PARD3: variants seen among roughly 807,000 people sequenced by gnomAD.
PARD3 encodes partitioning defective 3 homolog.
In PARD3, 75 loss-of-function variants were observed where a neutral mutation model predicts 155.4. The ratio of observed to expected loss-of-function variants is 0.48; its 90% confidence interval spans 0.40 to 0.58. PARD3 has a LOEUF of 0.58. Ranked by LOEUF, PARD3 falls within the 20% of genes least tolerant of loss-of-function variation. The probability of loss-of-function intolerance (pLI) is 0.00; values close to 1 mark genes in which losing one functional copy is unlikely to be tolerated. For missense variants in PARD3, 1,642 were observed against 1,721.7 expected (o/e 0.95, Z 0.82); for synonymous variants, 576 against 610.5 (o/e 0.94, Z 0.83).
intron 2 of PARD3, among the ~76,000 whole-genome samples, chr10:34,582,455 C>T (rs2087579179): frequency 6.6e-6 from 1 of 152,184 alleles, no homozygotes; most frequent in Non-Finnish European, 1.5e-5. Context: ...CTCATGGGAA[C>T]AAATATGCTC....
intron 2 of PARD3, among the ~76,000 whole-genome samples, chr10:34,523,545 G>A (rs1648790305): frequency 1.3e-5 from 2 of 152,176 alleles, no homozygotes; most frequent in Non-Finnish European, 2.9e-5. Context: ...CTTCATCTAA[G>A]AAACATGAGC....
intron 22 of PARD3, among the ~76,000 whole-genome samples, chr10:34,167,850 T>C (rs1252076850): frequency 1.3e-5 from 2 of 152,328 alleles, no homozygotes; most frequent in East Asian, 3.9e-4. Flanking sequence ...TGATAGCTTC[T>C]CATTTGTGTC....
chr10:34,478,700 C>A lies in PARD3; in HGVS notation c.404-8437G>T, dbSNP rs970201565. ...CTGGGATTACAGGCATGTGCCACCA[C>A]GCCCAGCTAATTTTGTATATTTAGT... On this transcript the variant is annotated intron_variant, in intron 3 of 24. Transcript: ENST00000374788. 5.9e-5 allele frequency among the ~76,000 whole-genome samples: 9 copies of A among 152,288 alleles called. 1 individual carries two copies. The South Asian group carries it at 1.9e-3, about 32-fold the overall frequency.
In PARD3 at chr10:34,284,075, A is replaced by G. The variant is rs1050649759; in HGVS notation, c.3176+60T>C. 11 of 944,054 alleles carry G rather than the reference A, an allele frequency of 1.2e-5. No homozygotes were observed. The African/African-American group carries it at 1.4e-4, about 12-fold the overall frequency. 58.5% of individuals were successfully genotyped at this position (944,054 alleles called of 1,614,324 possible). On this transcript the variant is annotated intron_variant, in intron 21 of 24. Coordinates refer to ENST00000374788, the MANE Select transcript of PARD3 (RefSeq NM_001184785.2). ...TCTTTACATTAAAAAAGAAGAAAGTAGAAAGAAAAAAAAAAAGAACCTCTT... is the reference window on the plus strand; with the variant it reads ...TCTTTACATTAAAAAAGAAGAAAGTGGAAAGAAAAAAAAAAAGAACCTCTT...
chr10:34,736,337 T>TTTTTTC (rs1163789608), intron 1 of PARD3, among the ~76,000 whole-genome samples: 1 of 144,350 alleles, frequency 6.9e-6, no homozygotes, highest in South Asian at 2.3e-4. Context: ...GCCCTTTTTT[T>TTTTTTC]TTTTTTTTGG....
At chr10:34,701,934 G>A (rs1008582456) in intron 1 of PARD3, among the ~76,000 whole-genome samples, 1 of 152,106 alleles carries the variant, frequency 6.6e-6, no homozygotes, top group Admixed American at 6.5e-5. Context: ...AGGCCAAGGT[G>A]GGTGGATCAC....
intron 20 of PARD3, among the ~76,000 whole-genome samples, chr10:34,304,722 A>G (rs1046144124): frequency 6.6e-6 from 1 of 152,218 alleles, no homozygotes; most frequent in Non-Finnish European, 1.5e-5. Flanking sequence ...CTTCATTCAT[A>G]AAACAGGGCT....
At position 34,636,055 on chromosome 10, in the gene PARD3, A is replaced by G. The variant is rs572304463; in HGVS notation, c.222+60263T>C. ...GAAGAAGAAGAAAGAAAGAAAGAAG[A>G]AAGGAAGGAAGAAGGAAGGAAGGAA... On this transcript the variant is annotated intron_variant, in intron 2 of 24. Coordinates refer to ENST00000374788, the MANE Select transcript of PARD3 (RefSeq NM_001184785.2). 8.5e-5 allele frequency among the ~76,000 whole-genome samples: 13 copies of G among 152,190 alleles called. No individual in the cohort carries two copies. In the East Asian group the frequency reaches 2.5e-3, roughly 29 times the overall value.
intron 21 of PARD3, among the ~76,000 whole-genome samples, chr10:34,281,307 T>C (rs990355046): frequency 6.6e-6 from 1 of 152,144 alleles, no homozygotes; most frequent in African/African-American, 2.4e-5. Flanking sequence ...GTCTCCAATG[T>C]AGCCAACAGC....
chr10:34,752,453 A>C lies in PARD3; in HGVS notation c.121-56034T>G, dbSNP rs145448040. On this transcript the variant is annotated intron_variant, in intron 1 of 24. Transcript: ENST00000374788. ...GCACTGACTACTGCACTACTAACACAGTCAGCCTTTTATATTATTTATAAG... is the reference window on the plus strand; with the variant it reads ...GCACTGACTACTGCACTACTAACACCGTCAGCCTTTTATATTATTTATAAG... Among the ~76,000 whole-genome samples, 95 of 152,234 alleles carry C rather than the reference A, an allele frequency of 6.2e-4. 1 individual carries two copies. In the South Asian group the frequency reaches 0.016, roughly 25 times the overall value.
At chr10:34,811,688 T>G (rs1018751849) in intron 1 of PARD3, among the ~76,000 whole-genome samples, 1 of 152,230 alleles carries the variant, frequency 6.6e-6, no homozygotes, top group Non-Finnish European at 1.5e-5. Context: ...TATACTTTTT[T>G]TTGAAAATTG....
At chr10:34,344,991 T>C (rs1837252562) in intron 15 of PARD3, 1 of 985,276 alleles carries the variant, frequency 1.0e-6, no homozygotes, top group African/African-American at 1.7e-5. Flanking sequence ...TTAACGTCTT[T>C]GATTTTTTTA....
intron 3 of PARD3, among the ~76,000 whole-genome samples, chr10:34,484,772 T>C (rs765933374): frequency 4.6e-5 from 7 of 152,200 alleles, no homozygotes; most frequent in Non-Finnish European, 8.8e-5. Context: ...TTAAGAGCTT[T>C]AGCAAAGACT....
intron 1 of PARD3, among the ~76,000 whole-genome samples, chr10:34,788,700 G>A (rs1000865845): frequency 1.3e-5 from 2 of 152,106 alleles, no homozygotes; most frequent in African/African-American, 2.4e-5. Context: ...CTTTACATAT[G>A]TATCTCTCAT....
At chr10:34,347,444 G>T (rs1046235736) in intron 15 of PARD3, among the ~76,000 whole-genome samples, 23 of 150,850 alleles carry the variant, frequency 1.5e-4, no homozygotes, top group African/African-American at 5.1e-4. Context: ...TAAAACTAAA[G>T]CTTCAGAAAA....
At position 34,535,663 on chromosome 10, in the gene PARD3, A is replaced by G. The variant is rs139100106; in HGVS notation, c.223-18504T>C. Among the ~76,000 whole-genome samples, 1,313 of 152,192 alleles carry G rather than the reference A, an allele frequency of 8.6e-3. 11 individuals are homozygous for G. Among genetic ancestry groups the G allele is most frequent in the Non-Finnish European group, 0.013 (882 of 68,014 alleles). ...GCTAATTTTTGTATTTTTAGTAGAG[A>G]CAGGGTTTCACCATGTTGGCCAGGC... On this transcript the variant is annotated intron_variant, in intron 2 of 24. Transcript: ENST00000374788.
chr10:34,675,551 T>C (rs2093689466), intron 2 of PARD3: 1 of 152,156 alleles, frequency 6.6e-6, no homozygotes, highest in South Asian at 2.1e-4. Flanking sequence ...ATATGATATT[T>C]CAGCTTCTCT....
intron 1 of PARD3, among the ~76,000 whole-genome samples, chr10:34,700,445 C>T (rs1482160283): frequency 2.0e-5 from 3 of 152,270 alleles, no homozygotes; most frequent in East Asian, 3.9e-4. Context: ...GCATAGGCTC[C>T]GCATATTACC....
chr10:34,112,025 C>T (rs148950608), intron 24 of PARD3, among the ~76,000 whole-genome samples: 1,744 of 152,266 alleles, frequency 0.011, 35 homozygotes, highest in African/African-American at 0.038. Flanking sequence ...ATGCCAGAAG[C>T]GCTAGCTAAT....
Sources: gnomAD v4.1 joint callset for allele counts (sites outside exome capture counted in the v4.1 genomes callset) on GRCh38, gnomAD v4.1.1 for gene constraint, MANE v1.5 for transcripts, NCBI Gene and HGNC (gene_info 2026-07-23, HGNC 2026-07-21) for gene names.